The following TENM2 variants were observed in gnomAD, a reference collection of about 807,000 sequenced individuals.
TENM2 encodes teneurin transmembrane protein 2.
A neutral mutation model predicts 245.2 loss-of-function variants in TENM2; 52 were observed. That is an observed-to-expected ratio of 0.21 (90% CI 0.17 to 0.27). The LOEUF (loss-of-function observed/expected upper bound fraction) is 0.27, where lower values mean the gene tolerates loss of function less well. Ranked by LOEUF, TENM2 falls within the 10% of genes least tolerant of loss-of-function variation. The pLI, the probability that TENM2 is intolerant of heterozygous loss-of-function variation, is 1.00. For missense variants in TENM2, 3,046 were observed against 3,666.8 expected, an observed-to-expected ratio of 0.83 and a Z score of 4.37; for synonymous variants, 1,363 against 1,438.9, an observed-to-expected ratio of 0.95 and a Z score of 1.19.
chr5:167,236,240 C>A, the TENM2 span, among the ~76,000 whole-genome samples: 1 of 152,110 alleles, frequency 6.6e-6, no homozygotes, highest in Non-Finnish European at 1.5e-5. Flanking sequence ...TAATGCCAAG[C>A]ATAATGCCTA....
chr5:167,076,128 A>G, the TENM2 span, among the ~76,000 whole-genome samples: 88 of 152,104 alleles, frequency 5.8e-4, no homozygotes, highest in African/African-American at 2.1e-3. Context: ...CATAACATAC[A>G]AAAAAATCAA....
the TENM2 span, among the ~76,000 whole-genome samples, chr5:167,220,324 C>G: frequency 6.6e-6 from 1 of 152,100 alleles, no homozygotes. Flanking sequence ...CACTATGATT[C>G]CTATAGCCAA....
chr5:167,429,454 A>G (rs1764070571), intron 2 of TENM2, among the ~76,000 whole-genome samples: 1 of 152,128 alleles, frequency 6.6e-6, no homozygotes, highest in African/African-American at 2.4e-5. Flanking sequence ...CCCTGTGTTC[A>G]TGGAATGTAA....
chr5:167,372,237 T>A (rs1760483483), intron 1 of TENM2, among the ~76,000 whole-genome samples: 13 of 152,178 alleles, frequency 8.5e-5, no homozygotes, highest in Admixed American at 8.5e-4. Flanking sequence ...GGCTATAAGC[T>A]TGAAGGTGAA....
At chr5:167,255,611 T>A in the TENM2 span, among the ~76,000 whole-genome samples, 2 of 152,210 alleles carry the variant, frequency 1.3e-5, no homozygotes, top group African/African-American at 4.8e-5. Flanking sequence ...TATGAAAACG[T>A]AGATTTCGAT....
chr5:167,685,669 A>T (rs1234515270), intron 2 of TENM2, among the ~76,000 whole-genome samples: 1 of 152,222 alleles, frequency 6.6e-6, no homozygotes, highest in Non-Finnish European at 1.5e-5. Context: ...TACCCTGAAC[A>T]TCATCAAAAG....
intron 9 of TENM2, among the ~76,000 whole-genome samples, chr5:168,108,738 C>A (rs1222290272): frequency 1.3e-5 from 2 of 152,108 alleles, no homozygotes; most frequent in Non-Finnish European, 2.9e-5. Context: ...GGCAGTGTGA[C>A]CACTCCTGAA....
At chr5:167,848,586 G>C (rs1770274781) in intron 2 of TENM2, among the ~76,000 whole-genome samples, 1 of 152,198 alleles carries the variant, frequency 6.6e-6, no homozygotes, top group Non-Finnish European at 1.5e-5. Flanking sequence ...GAATAGACTT[G>C]TATGTTTCTA....
At chr5:167,972,299 AAT>A (rs1399035270) in intron 4 of TENM2, among the ~76,000 whole-genome samples, 4 of 152,194 alleles carry the variant, frequency 2.6e-5, no homozygotes, top group Admixed American at 1.3e-4. Flanking sequence ...TTTTAAGTTT[AAT>A]ATAAATGGAA....
chr5:167,018,275 T>G, the TENM2 span, among the ~76,000 whole-genome samples: 2 of 152,160 alleles, frequency 1.3e-5, no homozygotes, highest in African/African-American at 4.8e-5. Context: ...AATGGGTCAT[T>G]GTTACACCCA....
Position 167,668,340 on chromosome 5 carries a change from C to G in TENM2, c.503-207646C>G, listed in dbSNP as rs146563172. ...ACCTTGTGATATCAAGGTTTGTTGT[C>G]TGATTTATACTGCTTATGACTCCTG... is the stretch of plus-strand genomic sequence containing the variant. On this transcript the variant is annotated intron_variant, in intron 2 of 28. Transcript: ENST00000518659. Among the ~76,000 whole-genome samples, 512 of 152,198 alleles carry G rather than the reference C, an allele frequency of 3.4e-3. 1 individual carries two copies. Among genetic ancestry groups the G allele is most frequent in the Middle Eastern group, 0.014 (4 of 294 alleles).
intron 5 of TENM2, among the ~76,000 whole-genome samples, chr5:168,005,521 C>G (rs866257440): frequency 6.6e-6 from 1 of 152,174 alleles, no homozygotes; most frequent in Non-Finnish European, 1.5e-5. Context: ...TTCCACAAAG[C>G]AACAAAACCA....
rs148705659 is a variant in TENM2 at position 167,953,051 on chromosome 5, G to A, written c.947+229G>A. On this transcript the variant is annotated intron_variant, in intron 4 of 28. Coordinates refer to ENST00000518659, the Ensembl canonical transcript of TENM2. The stretch of plus-strand genomic sequence containing the variant: ...CCTTTTAAAGCTTGTTTACTTTCTC[G>A]GATAGCTCTTGTGTACCCAACTAAT... Among the ~76,000 whole-genome samples the A allele has an allele frequency of 6.6e-5, 10 of 152,186 alleles. No homozygotes were observed. The East Asian group carries it at 1.5e-3, about 23-fold the overall frequency.
At chr5:167,306,017 G>A (rs920512025) in intron 1 of TENM2, among the ~76,000 whole-genome samples, 1 of 152,118 alleles carries the variant, frequency 6.6e-6, no homozygotes, top group Non-Finnish European at 1.5e-5. Flanking sequence ...GGAAACAAAT[G>A]CAAAAATGGT....
At chr5:167,453,484 A>T (rs1765729003) in intron 2 of TENM2, among the ~76,000 whole-genome samples, 1 of 152,206 alleles carries the variant, frequency 6.6e-6, no homozygotes. Flanking sequence ...TTATCAAAAT[A>T]AAAGACAGGA....
intron 2 of TENM2, among the ~76,000 whole-genome samples, chr5:167,683,656 A>C: frequency 6.6e-6 from 1 of 152,140 alleles, no homozygotes; most frequent in East Asian, 1.9e-4. Flanking sequence ...TCAGACCTGA[A>C]ATTTATGTTT....
intron 6 of TENM2, among the ~76,000 whole-genome samples, chr5:168,053,303 A>G (rs1789264922): frequency 6.6e-6 from 1 of 152,198 alleles, no homozygotes; most frequent in Admixed American, 6.5e-5. Context: ...GCCCCATTCT[A>G]AATTGCATAG....
the TENM2 span, among the ~76,000 whole-genome samples, chr5:167,237,641 C>T: frequency 2.0e-5 from 3 of 152,148 alleles, no homozygotes; most frequent in Non-Finnish European, 2.9e-5. Context: ...ATCAAGAAAG[C>T]GTAAGTGTCA....
intron 1 of TENM2, among the ~76,000 whole-genome samples, chr5:167,352,610 A>T (rs1468145707): frequency 6.6e-6 from 1 of 152,182 alleles, no homozygotes; most frequent in African/African-American, 2.4e-5. Context: ...TTCTGCTCCG[A>T]ATTAATTTAC....
Sources: gnomAD v4.1 joint callset for allele counts (sites outside exome capture counted in the v4.1 genomes callset) on GRCh38, gnomAD v4.1.1 for gene constraint, MANE v1.5 for transcripts, NCBI Gene and HGNC (gene_info 2026-07-23, HGNC 2026-07-21) for gene names.